The following FAM222A variants were observed in gnomAD, a reference collection of about 807,000 sequenced individuals.
FAM222A encodes the protein protein FAM222A.
Under a neutral mutation model 25.8 loss-of-function variants are expected in FAM222A, and 7 were observed. That is an observed-to-expected ratio of 0.27 (90% confidence interval 0.15 to 0.51). FAM222A has a LOEUF of 0.51. Among genes scored for constraint, FAM222A ranks in the 20% least tolerant of loss-of-function variants. FAM222A has a pLI of 0.97. For synonymous variants in FAM222A, 294 were observed against 298.8 expected (o/e 0.98, Z 0.17); for missense variants, 573 against 640.5 (o/e 0.89, Z 1.14).
chr12:109,724,211 C>T lies in FAM222A; in HGVS notation c.-47+9314C>T, dbSNP rs548528263. On this transcript the variant is annotated intron_variant, in intron 1 of 2. Coordinates refer to ENST00000538780, the MANE Select transcript of FAM222A (RefSeq NM_032829.3). Reference sequence around the variant, plus strand: ...TCTCTCACAGCTCTGGGCCTTGGCACGTGCCATGCCATGGTTCAAGTACCA... The same window carrying T: ...TCTCTCACAGCTCTGGGCCTTGGCATGTGCCATGCCATGGTTCAAGTACCA... 3.9e-5 allele frequency among the ~76,000 whole-genome samples: 6 copies of T among 152,380 alleles called. No individual in the cohort carries two copies. The East Asian group carries it at 7.7e-4, about 20-fold the overall frequency.
At chr12:109,767,972 G>A in intron 2 of FAM222A, 40 bp from the exon 3 acceptor site, 2 of 1,587,382 alleles carry the variant, frequency 1.3e-6, no homozygotes, top group South Asian at 2.3e-5. Context: ...AGGTTGGCAT[G>A]GCCTCCTGAT....
intron 1 of FAM222A, chr12:109,720,103 AGCTGGGTGG>A: frequency 4.1e-6 from 4 of 985,356 alleles, no homozygotes; most frequent in Non-Finnish European, 4.8e-6. Flanking sequence ...AGCCCCTCAG[AGCTGGGTGG>A]GCTGGGCTTG....
At chr12:109,724,142 T>G (rs1229849425) in intron 1 of FAM222A, among the ~76,000 whole-genome samples, 2 of 152,222 alleles carry the variant, frequency 1.3e-5, no homozygotes, top group Admixed American at 1.3e-4. Flanking sequence ...AGAGAGGCTG[T>G]GACAGCCTCA....
intron 2 of FAM222A, among the ~76,000 whole-genome samples, chr12:109,762,879 C>T (rs2136381743): frequency 6.6e-6 from 1 of 152,380 alleles, no homozygotes; most frequent in African/African-American, 2.4e-5. Flanking sequence ...GACAGGGACT[C>T]CAGTGACCTG....
At chr12:109,758,909 T>TA (rs1430208278) in intron 2 of FAM222A, among the ~76,000 whole-genome samples, 1 of 152,124 alleles carries the variant, frequency 6.6e-6, no homozygotes, top group East Asian at 1.9e-4. Context: ...AAGGAGGCAG[T>TA]AGACAAAGCG....
chr12:109,739,791 G>C (rs780985451), intron 1 of FAM222A, among the ~76,000 whole-genome samples: 2 of 152,212 alleles, frequency 1.3e-5, no homozygotes, highest in Non-Finnish European at 2.9e-5. Context: ...GGCATCCTTG[G>C]GCTCTGCTAT....
chr12:109,720,905 G>A (rs1887734866), intron 1 of FAM222A, among the ~76,000 whole-genome samples: 1 of 152,184 alleles, frequency 6.6e-6, no homozygotes. Context: ...GCCCTGCCCT[G>A]GGCCACCACC....
At chr12:109,727,519 C>T (rs1326624841) in intron 1 of FAM222A, among the ~76,000 whole-genome samples, 1 of 152,174 alleles carries the variant, frequency 6.6e-6, no homozygotes, top group African/African-American at 2.4e-5. Flanking sequence ...AGCCATTAAC[C>T]TGGTTTGCTG....
chr12:109,731,818 G>C (rs1887954862), intron 1 of FAM222A, among the ~76,000 whole-genome samples: 1 of 152,184 alleles, frequency 6.6e-6, no homozygotes, highest in South Asian at 2.1e-4. Context: ...AAAAGAGCGG[G>C]GAGAGACCCC....
chr12:109,756,982 G>C (rs1888750469), intron 2 of FAM222A, among the ~76,000 whole-genome samples: 1 of 152,018 alleles, frequency 6.6e-6, no homozygotes, highest in Non-Finnish European at 1.5e-5. Flanking sequence ...TTTCATTGTT[G>C]GTAGTGTTTT....
chr12:109,742,607 C>T (rs529655404), intron 1 of FAM222A, among the ~76,000 whole-genome samples: 8 of 105,096 alleles, frequency 7.6e-5, no homozygotes, highest in African/African-American at 2.5e-4. Context: ...CTCTCTCTCT[C>T]GCTCTTTTTT....
chr12:109,726,749 C>T (rs549431324), intron 1 of FAM222A, among the ~76,000 whole-genome samples: 1 of 152,248 alleles, frequency 6.6e-6, no homozygotes, highest in East Asian at 1.9e-4. Context: ...TCCCTAGGGG[C>T]CTGGGTCCGC....
intron 1 of FAM222A, among the ~76,000 whole-genome samples, chr12:109,733,082 G>A (rs1222885574): frequency 2.0e-5 from 3 of 152,196 alleles, no homozygotes; most frequent in Non-Finnish European, 4.4e-5. Context: ...TTGAGCTGAG[G>A]TGTGAATGGG....
At chr12:109,767,573 A>G (rs1889093152) in intron 2 of FAM222A, among the ~76,000 whole-genome samples, 1 of 152,000 alleles carries the variant, frequency 6.6e-6, no homozygotes, top group South Asian at 2.1e-4. Context: ...AGACCAGACT[A>G]CTCCCCACAC....
chr12:109,739,721 C>T (rs561390492), intron 1 of FAM222A, among the ~76,000 whole-genome samples: 8 of 152,192 alleles, frequency 5.3e-5, no homozygotes, highest in Admixed American at 1.3e-4. Context: ...TGAGGGCTGA[C>T]GGGCCCCCAA....
intron 1 of FAM222A, among the ~76,000 whole-genome samples, chr12:109,724,159 T>G (rs1049400149): frequency 6.6e-6 from 1 of 152,208 alleles, no homozygotes; most frequent in Non-Finnish European, 1.5e-5. Context: ...CTCAGCAAAC[T>G]GCTGGCAGCT....
At chr12:109,723,787 CCCTGTCCCACGTCCCATCT>C (rs1357868338) in intron 1 of FAM222A, among the ~76,000 whole-genome samples, 1 of 152,250 alleles carries the variant, frequency 6.6e-6, no homozygotes, top group Middle Eastern at 3.2e-3. Context: ...TCTTGTCCCG[CCCTGTCCCACGTCCCATCT>C]TCCTGTCAGT....
intron 1 of FAM222A, among the ~76,000 whole-genome samples, chr12:109,719,789 G>T (rs1350596686): frequency 6.6e-6 from 1 of 152,040 alleles, no homozygotes; most frequent in African/African-American, 2.4e-5. Context: ...GGGGGCATCG[G>T]GTGCTGAGCT....
At chr12:109,731,581 T>C (rs1333144091) in intron 1 of FAM222A, among the ~76,000 whole-genome samples, 1 of 152,158 alleles carries the variant, frequency 6.6e-6, no homozygotes, top group African/African-American at 2.4e-5. Context: ...AGCCACCCCC[T>C]GCCCAGACCT....
Sources: gnomAD v4.1 joint callset for allele counts (sites outside exome capture counted in the v4.1 genomes callset) on GRCh38, gnomAD v4.1.1 for gene constraint, MANE v1.5 for transcripts, NCBI Gene and HGNC (gene_info 2026-07-23, HGNC 2026-07-21) for gene names.